The following SH3BP2 variants were observed in gnomAD, a reference collection of about 807,000 sequenced individuals.
The protein encoded by SH3BP2 is SH3 domain-binding protein 2.
SH3BP2 carries 38 observed loss-of-function variants against 56.2 expected under a neutral mutation model. The observed-to-expected ratio is 0.68, with a 90% CI of 0.52 to 0.89. The LOEUF (loss-of-function observed/expected upper bound fraction) is 0.89. SH3BP2 is among the 40% of genes least tolerant of loss of function. SH3BP2 has a pLI of 0.00. For synonymous variants in SH3BP2, 346 were observed against 316.7 expected (o/e 1.09, Z -0.98); for missense variants, 748 against 762.6 (o/e 0.98, Z 0.23).
chr4:2,827,132 C>A, intron 5 of SH3BP2, 98 bp from the exon 6 acceptor site: 1 of 888,808 alleles, frequency 1.1e-6, no homozygotes, highest in Non-Finnish European at 1.9e-6. Context: ...TGTATCTGTC[C>A]ATGTATCCGC....
chr4:2,826,336 T>G (rs181711196), intron 5 of SH3BP2: 53 of 120,164 alleles, frequency 4.4e-4, no homozygotes, highest in South Asian at 9.5e-4. Context: ...TGCTCTGTGT[T>G]TGTGTGTGCA....
At chr4:2,821,777 T>C (rs931289622) in intron 2 of SH3BP2, among the ~76,000 whole-genome samples, 6 of 152,232 alleles carry the variant, frequency 3.9e-5, no homozygotes, top group African/African-American at 2.4e-5. Context: ...GCTCCTGAGC[T>C]CAAGCGATCC....
chr4:2,794,448 C>G (rs565310541), intron 1 of SH3BP2, among the ~76,000 whole-genome samples: 11 of 152,276 alleles, frequency 7.2e-5, no homozygotes, highest in Admixed American at 4.6e-4. Flanking sequence ...CCACTCCAGG[C>G]ACTCCACTCC....
intron 1 of SH3BP2, among the ~76,000 whole-genome samples, chr4:2,807,025 T>C (rs1182323042): frequency 6.6e-6 from 1 of 152,256 alleles, no homozygotes; most frequent in African/African-American, 2.4e-5. Flanking sequence ...TGACCGTCTC[T>C]GCCTCCACCC....
chr4:2,821,405 C>T (rs924311261), intron 2 of SH3BP2, among the ~76,000 whole-genome samples: 2 of 152,234 alleles, frequency 1.3e-5, no homozygotes, highest in African/African-American at 4.8e-5. Flanking sequence ...TTTGCACAGA[C>T]AGCCTCCTTG....
intron 6 of SH3BP2, 67 bp downstream of exon 6, chr4:2,827,385 G>T: frequency 7.1e-7 from 1 of 1,418,228 alleles, no homozygotes; most frequent in Non-Finnish European, 1.0e-6. Flanking sequence ...TGGCCGCTGT[G>T]GAGGAGAGGG....
intron 1 of SH3BP2, chr4:2,812,391 G>A (rs1243147655): frequency 1.9e-6 from 3 of 1,550,246 alleles, no homozygotes; most frequent in Non-Finnish European, 2.6e-6. Context: ...GGTGGCCCCT[G>A]AGCCGCATGG....
intron 1 of SH3BP2, among the ~76,000 whole-genome samples, chr4:2,819,970 G>C (rs936249085): frequency 1.8e-4 from 27 of 152,176 alleles, no homozygotes; most frequent in African/African-American, 6.5e-4. Flanking sequence ...TGGGCTCAGA[G>C]GGAAGGGGAG....
At chr4:2,828,987 C>T (rs1286655912) in intron 7 of SH3BP2, among the ~76,000 whole-genome samples, 1 of 152,178 alleles carries the variant, frequency 6.6e-6, no homozygotes, top group Admixed American at 6.5e-5. Context: ...CTGCAGGCTG[C>T]CCGCTCCGAG....
chr4:2,802,403 T>C (rs1393176550), intron 1 of SH3BP2, among the ~76,000 whole-genome samples: 3 of 116,742 alleles, frequency 2.6e-5, no homozygotes, highest in Non-Finnish European at 5.1e-5. Flanking sequence ...CAAAAAAATA[T>C]ATGTGTGTGT....
intron 1 of SH3BP2, among the ~76,000 whole-genome samples, chr4:2,794,569 G>A (rs1382781949): frequency 2.0e-5 from 3 of 152,202 alleles, no homozygotes; most frequent in Admixed American, 6.5e-5. Context: ...CCCTGCGTTA[G>A]GCACACCCTG....
intron 7 of SH3BP2, among the ~76,000 whole-genome samples, 188 bp downstream of exon 7, chr4:2,827,862 T>A (rs934178420): frequency 1.3e-5 from 2 of 152,150 alleles, no homozygotes; most frequent in Non-Finnish European, 1.5e-5. Flanking sequence ...CCACCTCTGC[T>A]CATTTCCTCC....
intron 4 of SH3BP2, 38 bp from the exon 5 acceptor site, chr4:2,825,088 G>C: frequency 6.5e-7 from 1 of 1,539,996 alleles, no homozygotes; most frequent in Non-Finnish European, 8.8e-7. Context: ...GGCCCACCCT[G>C]GTGGCACCGT....
Position 2,833,911 on chromosome 4 carries a change from A to G in SH3BP2, c.*77A>G. ...AGGCCACACAGACGGACATGGGCCC[A>G]CATGGGAGGGTGAGCAGGAGCAAGG... On this transcript the variant is annotated 3_prime_UTR_variant, in exon 13 of 13. Transcript: ENST00000503393. The G allele has an allele frequency of 6.8e-7, 1 of 1,471,306 alleles. No homozygotes were observed. The allele number at this position is 1,471,306 out of a possible 1,614,324, so 91.1% of individuals were successfully genotyped here. A position where few individuals can be genotyped will look rare whatever the true frequency, so the allele number is the denominator to read the frequency against.
chr4:2,834,315 A>T lies in SH3BP2; in HGVS notation c.*481A>T, dbSNP rs1577374451. On this transcript the variant is annotated 3_prime_UTR_variant, in exon 13 of 13. Coordinates refer to ENST00000503393, the MANE Select transcript of SH3BP2 (RefSeq NM_001122681.2). ...CTTGGTGGCTGGGGCTTGATTGGGA[A>T]GGAGGGGATTACCAGCTTACTGGGT... 1 of 158,734 alleles carries T rather than the reference A, an allele frequency of 6.3e-6. No homozygotes were observed. Among genetic ancestry groups the T allele is most frequent in the African/African-American group, 2.4e-5 (1 of 41,716 alleles). 9.8% of individuals were successfully genotyped at this position (158,734 alleles called of 1,614,324 possible). A position where few individuals can be genotyped will look rare whatever the true frequency, so the allele number is the denominator to read the frequency against.
intron 5 of SH3BP2, 63 bp downstream of exon 5, chr4:2,825,259 G>A (rs1724542434): frequency 1.5e-6 from 2 of 1,346,674 alleles, no homozygotes; most frequent in South Asian, 1.3e-5. Flanking sequence ...GCCTGACCCG[G>A]GTGTCCGCCT....
chr4:2,832,719 C>T lies in SH3BP2; in HGVS notation c.1489-271C>T, dbSNP rs368256683. 1.0e-3 allele frequency among the ~76,000 whole-genome samples: 154 copies of T among 152,182 alleles called. 2 individuals are homozygous for T. Among genetic ancestry groups the T allele is most frequent in the Admixed American group, 3.3e-4 (5 of 15,290 alleles). ...CCAGGTCTGCCCGTGTCCCTCCGAG[C>T]GTGAAGTTGTGACCTCACTGAGCCA... is the stretch of plus-strand genomic sequence containing the variant. On this transcript the variant is annotated intron_variant, in intron 11 of 12. Transcript: ENST00000503393.
At position 2,830,165 on chromosome 4, in the gene SH3BP2, C is replaced by T. The variant is rs1337512804; in HGVS notation, c.1241+18C>T. 3 of 1,592,866 alleles carry T rather than the reference C, an allele frequency of 1.9e-6. No individual in the cohort carries two copies. The East Asian group carries it at 6.7e-5, about 36-fold the overall frequency. On this transcript the variant is annotated intron_variant, in intron 8 of 12. Transcript: ENST00000503393. ...CACCTCCAGTGAGTTTGTGTGGCGG[C>T]TGCAAGCCCTGCCTCCAGCTACAGG... is the stretch of plus-strand genomic sequence containing the variant.
rs566740694 is a variant in SH3BP2 at position 2,795,495 on chromosome 4, C to A, written c.-5+2357C>A. 4.0e-4 allele frequency among the ~76,000 whole-genome samples: 61 copies of A among 152,324 alleles called. No homozygotes were observed. In the South Asian group the frequency reaches 0.013, roughly 32 times the overall value. Reference sequence around the variant, plus strand: ...CCCACGCCTGGCAGAGTATATAGTTCTTTAATAACCGGGTGGCTTGGCCAT... The same window carrying A: ...CCCACGCCTGGCAGAGTATATAGTTATTTAATAACCGGGTGGCTTGGCCAT... On this transcript the variant is annotated intron_variant, in intron 1 of 12. Transcript: ENST00000503393.
Sources: gnomAD v4.1 joint callset for allele counts (sites outside exome capture counted in the v4.1 genomes callset) on GRCh38, gnomAD v4.1.1 for gene constraint, MANE v1.5 for transcripts, NCBI Gene and HGNC (gene_info 2026-07-23, HGNC 2026-07-21) for gene names.